The following CELF2 variants were observed in gnomAD, a reference collection of about 807,000 sequenced individuals.
The protein encoded by CELF2 is CUG triplet repeat RNA-binding protein 2.
Under a neutral mutation model 62.6 loss-of-function variants are expected in CELF2, and 8 were observed. That is an observed-to-expected ratio of 0.13 (90% CI 0.07 to 0.23). CELF2 has a LOEUF of 0.23. CELF2 is among the 10% of genes least tolerant of loss of function. CELF2 has a pLI of 1.00. For synonymous variants in CELF2, 258 were observed against 250.0 expected, an observed-to-expected ratio of 1.03 and a Z score of -0.30; for missense variants, 333 against 671.0, an observed-to-expected ratio of 0.50 and a Z score of 5.56.
chr10:11,059,671 C>A (rs1345185967), intron 1 of CELF2, among the ~76,000 whole-genome samples: 1 of 152,114 alleles, frequency 6.6e-6, no homozygotes, highest in Non-Finnish European at 1.5e-5. Flanking sequence ...TCCGAGATAG[C>A]AGCCATCAGG....
At chr10:10,571,375 A>T in the CELF2 span, among the ~76,000 whole-genome samples, 153 of 152,330 alleles carry the variant, frequency 1.0e-3, no homozygotes, top group African/African-American at 3.6e-3. Context: ...TAAAATAGTA[A>T]ATATTATGGA....
intron 11 of CELF2, among the ~76,000 whole-genome samples, chr10:11,323,079 T>C (rs1375018369): frequency 6.6e-6 from 1 of 151,738 alleles, no homozygotes; most frequent in Non-Finnish European, 1.5e-5. Flanking sequence ...ACAACATGTT[T>C]CGAAACAACA....
At chr10:11,124,102 A>G (rs1365533085) in intron 1 of CELF2, among the ~76,000 whole-genome samples, 3 of 152,160 alleles carry the variant, frequency 2.0e-5, no homozygotes, top group East Asian at 1.9e-4. Flanking sequence ...CTTATTCACT[A>G]TCATGAGAAC....
rs1363439350 is a variant in CELF2, at chr10:11,314,070, G to C, written c.977-69G>C. On this transcript the variant is annotated intron_variant, in intron 9 of 12. Transcript: ENST00000633077. The surrounding 1 kb of genome is among the most constrained non-coding windows in gnomAD (Gnocchi z 5.3). ...TCCGTCCACTGAGATGATGACAGAA[G>C]GATTTCCAGTCTCGGCTCTCACTCA... The C allele has an allele frequency of 6.8e-7, 1 of 1,480,688 alleles. No homozygotes were observed. Among genetic ancestry groups the C allele is most frequent in the Non-Finnish European group, 9.3e-7 (1 of 1,076,964 alleles). 91.7% of individuals were successfully genotyped at this position (1,480,688 alleles called of 1,614,324 possible). A position where few individuals can be genotyped will look rare whatever the true frequency, so the allele number is the denominator to read the frequency against.
At position 10,915,580 on chromosome 10, in the gene CELF2, G is replaced by A. The variant is rs556364956; in HGVS notation, c.54-4384G>A. The stretch of plus-strand genomic sequence containing the variant: ...GCAACCATGCCCACCTCATCTGTTT[G>A]TTTGTTTTTTCTGTTTTTGTTTTTG... On this transcript the variant is annotated intron_variant, in intron 1 of 13. Coordinates refer to the CELF2 transcript ENST00000636488. 1.1e-4 allele frequency among the ~76,000 whole-genome samples: 17 copies of A among 152,046 alleles called. No homozygotes were observed. The East Asian group carries it at 2.9e-3, about 26-fold the overall frequency.
intron 9 of CELF2, among the ~76,000 whole-genome samples, chr10:11,291,674 A>G (rs2092545176): frequency 6.6e-6 from 1 of 152,162 alleles, no homozygotes; most frequent in Non-Finnish European, 1.5e-5. Flanking sequence ...TGTTTACCCC[A>G]GTCTCCTATT....
chr10:10,676,603 CT>C, the CELF2 span, among the ~76,000 whole-genome samples: 2 of 152,202 alleles, frequency 1.3e-5, no homozygotes, highest in Non-Finnish European at 2.9e-5. Flanking sequence ...GGTTCTCAGG[CT>C]TGTTCACACC....
At chr10:11,272,731 G>A (rs945717795) in intron 7 of CELF2, among the ~76,000 whole-genome samples, 2 of 152,192 alleles carry the variant, frequency 1.3e-5, no homozygotes, top group African/African-American at 4.8e-5. Flanking sequence ...CAGCTGAAAA[G>A]CCCTTTCTCT....
At chr10:11,060,927 T>C (rs1298034674) in intron 1 of CELF2, among the ~76,000 whole-genome samples, 2 of 152,236 alleles carry the variant, frequency 1.3e-5, no homozygotes, top group African/African-American at 4.8e-5. Context: ...TCTCTGTCTT[T>C]CTCCCTCCAC....
At chr10:10,589,227 C>T in the CELF2 span, among the ~76,000 whole-genome samples, 1 of 152,124 alleles carries the variant, frequency 6.6e-6, no homozygotes, top group Non-Finnish European at 1.5e-5. Context: ...TAGCTAAAGA[C>T]CTGGAATCAA....
Position 11,244,261 on chromosome 10 carries a change from C to T in CELF2, c.355-4892C>T, listed in dbSNP as rs1456808305. Among the ~76,000 whole-genome samples the T allele has an allele frequency of 2.0e-5, 3 of 152,232 alleles. No individual in the cohort carries two copies. Among genetic ancestry groups the T allele is most frequent in the Non-Finnish European group, 4.4e-5 (3 of 68,042 alleles). ...TTTCATTCAGGAGTGAGTAGATGGGCATTGTTTCTTTTTACTTGAAATTGT... is the reference window on the plus strand; with the variant it reads ...TTTCATTCAGGAGTGAGTAGATGGGTATTGTTTCTTTTTACTTGAAATTGT... On this transcript the variant is annotated intron_variant, in intron 3 of 12. Coordinates refer to ENST00000633077, the MANE Select transcript of CELF2 (RefSeq NM_001326342.2). This position sits in a 1 kb window ranked among gnomAD's most constrained non-coding sequence, Gnocchi z 4.2.
chr10:11,109,934 A>C (rs1296181721), intron 1 of CELF2, among the ~76,000 whole-genome samples: 1 of 152,138 alleles, frequency 6.6e-6, no homozygotes, highest in African/African-American at 2.4e-5. Flanking sequence ...GAGTGGACTC[A>C]TGATGTTTCG....
At chr10:10,989,277 G>T (rs1299747236) in intron 2 of CELF2, among the ~76,000 whole-genome samples, 1 of 152,126 alleles carries the variant, frequency 6.6e-6, no homozygotes, top group Non-Finnish European at 1.5e-5. Context: ...TCAGCTTGAA[G>T]TTCGCTTTGA....
At chr10:10,493,097 C>T in the CELF2 span, among the ~76,000 whole-genome samples, 4 of 152,192 alleles carry the variant, frequency 2.6e-5, no homozygotes, top group East Asian at 7.7e-4. Flanking sequence ...TACGGTCACC[C>T]TCTAAAGGAA....
At chr10:10,549,854 G>A in the CELF2 span, among the ~76,000 whole-genome samples, 1 of 152,192 alleles carries the variant, frequency 6.6e-6, no homozygotes, top group Non-Finnish European at 1.5e-5. Context: ...TAAAAGGTAG[G>A]TTCCCCAGGA....
At chr10:11,225,596 C>G (rs150275242) in intron 3 of CELF2, among the ~76,000 whole-genome samples, 89 of 152,326 alleles carry the variant, frequency 5.8e-4, no homozygotes, top group African/African-American at 2.1e-3. Context: ...GCTTTCCTCT[C>G]TGGTTGAGAA....
At chr10:10,576,220 G>A in the CELF2 span, among the ~76,000 whole-genome samples, 1 of 152,148 alleles carries the variant, frequency 6.6e-6, no homozygotes, top group Non-Finnish European at 1.5e-5. Context: ...AGAAGTTCAA[G>A]GACTAAGGGT....
At chr10:11,147,292 T>C (rs989254979) in intron 1 of CELF2, among the ~76,000 whole-genome samples, 2 of 152,206 alleles carry the variant, frequency 1.3e-5, no homozygotes, top group African/African-American at 4.8e-5. Context: ...TGCTCTGGCT[T>C]TGCCCTCTTG....
chr10:10,491,516 C>G, the CELF2 span, among the ~76,000 whole-genome samples: 1 of 152,132 alleles, frequency 6.6e-6, no homozygotes, highest in Non-Finnish European at 1.5e-5. Flanking sequence ...ATGGGTGGCT[C>G]CTGGACTGTA....
Sources: allele counts gnomAD v4.1 joint callset (sites outside exome capture counted in the v4.1 genomes callset), GRCh38; gene constraint gnomAD v4.1.1; non-coding constraint Gnocchi (gnomAD v3.1); transcripts MANE v1.5; gene names NCBI Gene and HGNC (gene_info 2026-07-23, HGNC 2026-07-21).